Variants in TRHDE observed in about 807,000 individuals in gnomAD.
TRHDE encodes thyrotropin releasing hormone degrading enzyme.
Under a neutral mutation model 125.7 loss-of-function variants are expected in TRHDE, and 72 were observed. The ratio of observed to expected loss-of-function variants is 0.57; its 90% CI spans 0.47 to 0.70. TRHDE has a LOEUF of 0.70. TRHDE is among the 30% of genes least tolerant of loss of function. The probability of loss-of-function intolerance (pLI) is 0.00; values close to 1 mark genes in which losing one functional copy is unlikely to be tolerated. For synonymous variants in TRHDE, 509 were observed against 509.1 expected, an observed-to-expected ratio of 1.00 and a Z score of 0.00; for missense variants, 1,110 against 1,327.1, an observed-to-expected ratio of 0.84 and a Z score of 2.54.
intron 2 of TRHDE, among the ~76,000 whole-genome samples, chr12:72,177,257 C>T (rs1173866030): frequency 6.6e-6 from 1 of 152,140 alleles, no homozygotes. Context: ...GAAGGCTCCA[C>T]TTGCAACAAT....
At chr12:72,328,937 A>C (rs1565700626) in intron 2 of TRHDE, among the ~76,000 whole-genome samples, 5 of 152,282 alleles carry the variant, frequency 3.3e-5, no homozygotes, top group Admixed American at 2.6e-4. Flanking sequence ...ATATAGGATA[A>C]AAATTATAAG....
chr12:72,527,403 T>C lies in TRHDE; in HGVS notation c.1723-14888T>C, dbSNP rs570345785. On this transcript the variant is annotated intron_variant, in intron 6 of 18. Transcript: ENST00000261180. ...ACTACAGTTATGTCGCATAAAGAATTCGATTTAGGGCAATTGTGGAATTTC... is the reference window on the plus strand; with the variant it reads ...ACTACAGTTATGTCGCATAAAGAATCCGATTTAGGGCAATTGTGGAATTTC... Among the ~76,000 whole-genome samples the C allele has an allele frequency of 7.2e-5, 11 of 152,214 alleles. No individual in the cohort carries two copies. In the South Asian group the frequency reaches 2.3e-3, roughly 32 times the overall value.
intron 2 of TRHDE, among the ~76,000 whole-genome samples, chr12:72,151,800 C>A (rs1387829111): frequency 1.3e-5 from 2 of 152,100 alleles, no homozygotes; most frequent in Non-Finnish European, 2.9e-5. Flanking sequence ...TTACTGTAGC[C>A]TTGTAGTATA....
chr12:72,330,206 C>G (rs567280806), intron 2 of TRHDE, among the ~76,000 whole-genome samples: 1 of 152,032 alleles, frequency 6.6e-6, no homozygotes, highest in Non-Finnish European at 1.5e-5. Flanking sequence ...AACGGCCTGG[C>G]CTTGAGCAAT....
intron 15 of TRHDE, among the ~76,000 whole-genome samples, chr12:72,649,869 A>T (rs982675224): frequency 6.6e-6 from 1 of 152,120 alleles, no homozygotes; most frequent in Non-Finnish European, 1.5e-5. Context: ...ATCAAAAAAA[A>T]CAAAACACAG....
chr12:72,205,443 T>C (rs1467882325), intron 2 of TRHDE, among the ~76,000 whole-genome samples: 13 of 152,180 alleles, frequency 8.5e-5, no homozygotes, highest in Admixed American at 8.5e-4. Context: ...TACATCATTG[T>C]ACAGCAGATC....
intron 9 of TRHDE, among the ~76,000 whole-genome samples, chr12:72,566,410 C>T (rs1385340599): frequency 6.6e-6 from 1 of 151,270 alleles, no homozygotes; most frequent in Admixed American, 6.6e-5. Context: ...CTTAGTTAAC[C>T]TTATAGTTAA....
At chr12:72,089,542 C>CTTGTT (rs1447927888) in intron 1 of TRHDE, among the ~76,000 whole-genome samples, 1 of 152,180 alleles carries the variant, frequency 6.6e-6, no homozygotes, top group African/African-American at 2.4e-5. Flanking sequence ...ACAATTTTCT[C>CTTGTT]AGTGTAAAAT....
At position 72,273,817 on chromosome 12, in the gene TRHDE, C is replaced by A; in HGVS notation, c.914+260C>A. 1 of 445,686 alleles carries A rather than the reference C, an allele frequency of 2.2e-6. No individual in the cohort carries two copies. Among genetic ancestry groups the A allele is most frequent in the East Asian group, 3.3e-5 (1 of 30,562 alleles). 27.6% of individuals were successfully genotyped at this position (445,686 alleles called of 1,614,324 possible). A position where few individuals can be genotyped will look rare whatever the true frequency, so the allele number is the denominator to read the frequency against. On this transcript the variant is annotated intron_variant, in intron 1 of 18. Transcript: ENST00000261180. The surrounding 1 kb of genome is among the most constrained non-coding windows in gnomAD (Gnocchi z 5.3). Reference sequence around the variant, plus strand: ...CCCCCTCCTCTAGTCGGGACCTCTCCTCTTCCTGTCAGAGTTCCTTAGCCA... The same window carrying A: ...CCCCCTCCTCTAGTCGGGACCTCTCATCTTCCTGTCAGAGTTCCTTAGCCA...
chr12:72,438,002 A>T (rs138230560), intron 3 of TRHDE, among the ~76,000 whole-genome samples: 1 of 151,806 alleles, frequency 6.6e-6, no homozygotes, highest in Non-Finnish European at 1.5e-5. Context: ...TTTAGATTTC[A>T]TATGTGAGTG....
chr12:72,510,501 G>A (rs1272591751), intron 6 of TRHDE, among the ~76,000 whole-genome samples: 1 of 152,070 alleles, frequency 6.6e-6, no homozygotes, highest in African/African-American at 2.4e-5. Context: ...AGTAAATAGA[G>A]GCCTAGGAAG....
At chr12:72,330,859 C>T (rs966073176) in intron 2 of TRHDE, among the ~76,000 whole-genome samples, 2 of 152,086 alleles carry the variant, frequency 1.3e-5, no homozygotes, top group East Asian at 1.9e-4. Context: ...CTTTAGCATG[C>T]CTTAGATTCA....
At chr12:72,522,832 G>C (rs899920605) in intron 6 of TRHDE, among the ~76,000 whole-genome samples, 1 of 152,084 alleles carries the variant, frequency 6.6e-6, no homozygotes, top group African/African-American at 2.4e-5. Flanking sequence ...CCTCACCTCT[G>C]AAATGAAGAT....
chr12:72,618,977 G>A lies in TRHDE; in HGVS notation c.2408G>A (p.Ser803Asn). ...EKDFLPWHAASRALYPLDKLL... is the reference protein window; with the variant it reads ...EKDFLPWHAANRALYPLDKLL... ...GATTTTCTTCCTTGGCATGCTGCCA[G>A]CCGAGCTCTTTATCCTCTAGATAAA... The change falls in exon 13 of 19, where the codon AGC becomes AAC. Residue 803 changes from serine (S) to asparagine (N), a missense_variant. Physicochemically the swap from Ser to Asn is conservative, Grantham distance 46. Transcript: ENST00000261180. 1 of 1,603,344 alleles carries A rather than the reference G, an allele frequency of 6.2e-7. No individual in the cohort carries two copies. Among genetic ancestry groups the A allele is most frequent in the Admixed American group, 1.7e-5 (1 of 58,828 alleles).
chr12:72,484,833 A>G (rs908415290), intron 5 of TRHDE, among the ~76,000 whole-genome samples: 1 of 152,202 alleles, frequency 6.6e-6, no homozygotes, highest in African/African-American at 2.4e-5. Flanking sequence ...CCCACAAGAA[A>G]AGTCCCCAGA....
chr12:72,312,587 G>T (rs2135701242), intron 2 of TRHDE, among the ~76,000 whole-genome samples: 1 of 152,166 alleles, frequency 6.6e-6, no homozygotes, highest in Admixed American at 6.6e-5. Context: ...AGGTAATATT[G>T]GTAGCCTACC....
intron 3 of TRHDE, among the ~76,000 whole-genome samples, chr12:72,385,704 G>A (rs1430540913): frequency 1.1e-4 from 17 of 151,900 alleles, no homozygotes; most frequent in Admixed American, 1.1e-3. Flanking sequence ...TCTATAATAT[G>A]GCCATTTAAC....
intron 3 of TRHDE, among the ~76,000 whole-genome samples, chr12:72,413,423 G>T (rs1026765363): frequency 1.5e-4 from 23 of 150,140 alleles, no homozygotes; most frequent in Admixed American, 1.3e-3. Flanking sequence ...TATGAAAAAA[G>T]AATATAAAAA....
chr12:72,214,994 G>C (rs1877855353), intron 2 of TRHDE, among the ~76,000 whole-genome samples: 1 of 152,084 alleles, frequency 6.6e-6, no homozygotes, highest in Non-Finnish European at 1.5e-5. Flanking sequence ...TGCCTTCTTT[G>C]TGTTAGGTGC....
Sources: allele counts gnomAD v4.1 joint callset (sites outside exome capture counted in the v4.1 genomes callset), GRCh38; gene constraint gnomAD v4.1.1; non-coding constraint Gnocchi (gnomAD v3.1); transcripts MANE v1.5; gene names NCBI Gene and HGNC (gene_info 2026-07-23, HGNC 2026-07-21).